DENND6A: variants seen among roughly 807,000 people sequenced by gnomAD.
DENND6A encodes protein DENND6A.
A neutral mutation model predicts 95.5 loss-of-function variants in DENND6A; 43 were observed. The observed-to-expected ratio is 0.45, with a 90% confidence interval of 0.35 to 0.58. The LOEUF (loss-of-function observed/expected upper bound fraction) is 0.58. Among genes scored for constraint, DENND6A ranks in the 20% least tolerant of loss-of-function variants. DENND6A has a pLI of 0.00. For missense variants in DENND6A, 574 were observed against 736.0 expected, an observed-to-expected ratio of 0.78 and a Z score of 2.55; for synonymous variants, 257 against 260.4, an observed-to-expected ratio of 0.99 and a Z score of 0.13.
At chr3:57,636,314 T>C (rs559249030) in intron 12 of DENND6A, among the ~76,000 whole-genome samples, 4 of 152,312 alleles carry the variant, frequency 2.6e-5, no homozygotes, top group Non-Finnish European at 5.9e-5. Context: ...TCCAAATGTG[T>C]CAACTGTCCC....
At chr3:57,632,275 C>T (rs1468399709) in intron 15 of DENND6A, among the ~76,000 whole-genome samples, 5 of 151,830 alleles carry the variant, frequency 3.3e-5, no homozygotes, top group African/African-American at 1.2e-4. Context: ...CTGCCCGCCT[C>T]AGTCTCCAAA....
chr3:57,675,388 G>A (rs1000776294), intron 1 of DENND6A, among the ~76,000 whole-genome samples: 7 of 152,080 alleles, frequency 4.6e-5, no homozygotes, highest in African/African-American at 1.4e-4. Flanking sequence ...TTCAGCTGGC[G>A]TCTACTTCAG....
At chr3:57,680,586 T>C (rs1344876898) in intron 1 of DENND6A, among the ~76,000 whole-genome samples, 1 of 152,222 alleles carries the variant, frequency 6.6e-6, no homozygotes, top group African/African-American at 2.4e-5. Flanking sequence ...AAACAGATAT[T>C]GTTTATAAGC....
At chr3:57,629,507 C>CTTTTT (rs1165802821) in intron 18 of DENND6A, among the ~76,000 whole-genome samples, 7 of 98,224 alleles carry the variant, frequency 7.1e-5, no homozygotes, top group Admixed American at 2.4e-4. Flanking sequence ...AATCAGTCCG[C>CTTTTT]TTTTTTTTTT....
chr3:57,689,143 C>T (rs1413709377), intron 1 of DENND6A, among the ~76,000 whole-genome samples: 1 of 151,752 alleles, frequency 6.6e-6, no homozygotes, highest in Non-Finnish European at 1.5e-5. Context: ...TTAGTAGAGA[C>T]GGGGTTTCAC....
Position 57,628,227 on chromosome 3 carries a change from G to T in DENND6A, c.1814C>A (p.Thr605Lys), listed in dbSNP as rs150849318. The change falls in exon 20 of 20, where the codon ACG becomes AAG. Residue 605 changes from threonine (T) to lysine (K), a missense_variant. Around this residue, in one of 2 missense-constraint regions of DENND6A, gnomAD observed 452 missense variants for 630.9 expected, o/e 0.72. Coordinates refer to ENST00000311128, the MANE Select transcript of DENND6A (RefSeq NM_152678.3). ...PEDLQGILLK[T>K]GMT ...TCTTGGCAAATATCATGTCATGCCC[G>T]TTTTGAGCAGTATGCCTTGCAAGTC... 7 of 1,612,864 alleles carry T rather than the reference G, an allele frequency of 4.3e-6. No individual in the cohort carries two copies. The South Asian group carries it at 6.6e-5, about 15-fold the overall frequency.
chr3:57,654,977 C>A, intron 9 of DENND6A: 1 of 215,496 alleles, frequency 4.6e-6, no homozygotes, highest in Non-Finnish European at 7.9e-6. Flanking sequence ...TGATATAATA[C>A]TATCACTGTG....
At chr3:57,641,332 A>T (rs1249375281) in intron 12 of DENND6A, among the ~76,000 whole-genome samples, 1 of 143,632 alleles carries the variant, frequency 7.0e-6, no homozygotes, top group East Asian at 1.9e-4. Context: ...ATATTATATT[A>T]AAATATATAT....
intron 1 of DENND6A, among the ~76,000 whole-genome samples, chr3:57,677,264 TG>T (rs1396809798): frequency 6.6e-6 from 1 of 152,188 alleles, no homozygotes; most frequent in Non-Finnish European, 1.5e-5. Flanking sequence ...TTCTCTACAG[TG>T]AAAGACAGCA....
intron 3 of DENND6A, among the ~76,000 whole-genome samples, chr3:57,668,679 T>C (rs1289605502): frequency 3.3e-5 from 5 of 152,150 alleles, no homozygotes; most frequent in African/African-American, 1.2e-4. Context: ...GGGCAAACGA[T>C]TCCAATCTCA....
intron 17 of DENND6A, 23 bp downstream of exon 17, chr3:57,630,692 T>TA: frequency 6.2e-7 from 1 of 1,605,200 alleles, no homozygotes; most frequent in Non-Finnish European, 8.5e-7. Flanking sequence ...CACATGGGTG[T>TA]AAAACAGGGA....
chr3:57,669,575 C>A (rs1187392203), intron 3 of DENND6A, among the ~76,000 whole-genome samples: 2 of 151,274 alleles, frequency 1.3e-5, no homozygotes. Context: ...ATTAGCCAGG[C>A]GTGGTGGTGG....
intron 1 of DENND6A, among the ~76,000 whole-genome samples, chr3:57,681,879 G>A (rs1340314163): frequency 6.6e-6 from 1 of 152,070 alleles, no homozygotes; most frequent in Non-Finnish European, 1.5e-5. Flanking sequence ...GTTTCTTTTT[G>A]GGGTGAAGAA....
At chr3:57,677,455 C>A (rs1273460698) in intron 1 of DENND6A, among the ~76,000 whole-genome samples, 1 of 104,336 alleles carries the variant, frequency 9.6e-6, no homozygotes, top group African/African-American at 3.7e-5. Flanking sequence ...GAGACAGAGT[C>A]TCCAGAGTCT....
Position 57,644,012 on chromosome 3 carries a change from T to G in DENND6A, c.1037+1649A>C, listed in dbSNP as rs185407005. Among the ~76,000 whole-genome samples, 77 of 151,392 alleles carry G rather than the reference T, an allele frequency of 5.1e-4. 1 individual carries two copies. In the East Asian group the frequency reaches 0.011, roughly 22 times the overall value. On this transcript the variant is annotated intron_variant, in intron 11 of 19. Coordinates refer to ENST00000311128, the MANE Select transcript of DENND6A (RefSeq NM_152678.3). The stretch of plus-strand genomic sequence containing the variant: ...AAAAATACAAAAAATTAGCTGGGTG[T>G]GATAGTGTGCACCTGTAATCCCAGC...
chr3:57,648,925 C>A (rs938011909), intron 9 of DENND6A, among the ~76,000 whole-genome samples: 1 of 152,094 alleles, frequency 6.6e-6, no homozygotes, highest in Non-Finnish European at 1.5e-5. Context: ...TAGAAGATAA[C>A]ATTGGAAAAA....
At chr3:57,653,441 C>T (rs939359896) in intron 9 of DENND6A, among the ~76,000 whole-genome samples, 10 of 151,994 alleles carry the variant, frequency 6.6e-5, no homozygotes, top group African/African-American at 2.4e-4. Context: ...AAACTTCTCT[C>T]GAACTAAAAA....
At chr3:57,665,506 G>A (rs2071512489) in intron 4 of DENND6A, among the ~76,000 whole-genome samples, 1 of 152,058 alleles carries the variant, frequency 6.6e-6, no homozygotes, top group Non-Finnish European at 1.5e-5. Context: ...GAATATATTA[G>A]TAGTGACAGC....
intron 9 of DENND6A, 88 bp downstream of exon 9, chr3:57,657,592 A>T: frequency 1.2e-6 from 1 of 846,582 alleles, no homozygotes; most frequent in Non-Finnish European, 1.8e-6. Flanking sequence ...TTTTTTCCAC[A>T]TCCTATATAA....
Sources: gnomAD v4.1 joint callset for allele counts (sites outside exome capture counted in the v4.1 genomes callset) on GRCh38, gnomAD v4.1.1 for gene constraint, gnomAD v4.1.1 regional missense constraint, MANE v1.5 for transcripts, NCBI Gene and HGNC (gene_info 2026-07-23, HGNC 2026-07-21) for gene names.